TRMT1: variants seen among roughly 807,000 people sequenced by gnomAD.
TRMT1 encodes tRNA methyltransferase 1.
In TRMT1, 63 loss-of-function variants were observed where a neutral mutation model predicts 75.4. The ratio of observed to expected loss-of-function variants is 0.84; its 90% confidence interval spans 0.68 to 1.03. The LOEUF (loss-of-function observed/expected upper bound fraction) is 1.03. Ranked by LOEUF, TRMT1 falls within the 50% of genes least tolerant of loss-of-function variation. The pLI, the probability that TRMT1 is intolerant of heterozygous loss-of-function variation, is 0.00. For missense variants in TRMT1, 870 were observed against 905.3 expected, an observed-to-expected ratio of 0.96 and a Z score of 0.50; for synonymous variants, 382 against 358.1, an observed-to-expected ratio of 1.07 and a Z score of -0.75.
Position 13,115,342 on chromosome 19 carries a change from ATGAGAT to A in TRMT1, c.572_577del (p.Asp191_Ile193delinsVal). The A allele has an allele frequency of 6.2e-7, 1 of 1,614,082 alleles. No individual in the cohort carries two copies. The highest frequency in any genetic ancestry group is 8.5e-7 in the Non-Finnish European group (1 of 1,180,026). ...GTCATTGAGCTGGACATTCCGGCGT[ATGAGAT>A]CCACAGCCCGGGTGGAGGCATCGTT... On this transcript the variant is annotated inframe_deletion, in exon 5 of 17. Coordinates refer to ENST00000357720, the MANE Select transcript of TRMT1 (RefSeq NM_001136035.4).
In TRMT1 at chr19:13,107,842, G is replaced by A. The variant is rs1478167355; in HGVS notation, c.1415C>T (p.Ala472Val). The A allele has an allele frequency of 1.3e-6, 2 of 1,551,690 alleles. No homozygotes were observed. Among genetic ancestry groups the A allele is most frequent in the Non-Finnish European group, 1.7e-6 (2 of 1,146,960 alleles). ...LLQLRSALLH[A>V]DFRVSLSHAC... is the part of the protein sequence containing the mutation. ...GTGGGAGAGTGAGACCCGGAAGTCA[G>A]CGTGGAGGAGGGCCGACCTGGGGAA... Residue 472 changes from alanine (A) to valine (V), a missense_variant, in exon 13 of 17, where the codon GCT (alanine) becomes GTT (valine). By Grantham distance (64) the Ala-to-Val change is moderately conservative. Coordinates refer to ENST00000357720, the MANE Select transcript of TRMT1 (RefSeq NM_001136035.4).
At chr19:13,106,641 AAT>A (rs1491290104) in intron 14 of TRMT1, among the ~76,000 whole-genome samples, 70 of 144,306 alleles carry the variant, frequency 4.9e-4, no homozygotes, top group African/African-American at 1.8e-3. Context: ...ACACCTGGCT[AAT>A]TTTTTTTTTT....
rs1599922517 is a variant in TRMT1, at chr19:13,105,967, C to G, written c.1584-361G>C. Among the ~76,000 whole-genome samples, 3 of 152,218 alleles carry G rather than the reference C, an allele frequency of 2.0e-5. No homozygotes were observed. The South Asian group carries it at 6.2e-4, about 32-fold the overall frequency. ...ATACCAGCTACTCGGGACGCTGAGG[C>G]AGGAGAATCGCTTGAACCTGGGAGG... On this transcript the variant is annotated intron_variant, in intron 14 of 16. Coordinates refer to ENST00000357720, the MANE Select transcript of TRMT1 (RefSeq NM_001136035.4).
intron 14 of TRMT1, 55 bp downstream of exon 14, chr19:13,107,519 T>C: frequency 6.5e-7 from 1 of 1,544,414 alleles, no homozygotes. Context: ...TGCACACACA[T>C]GTGCTTCCAT....
chr19:13,109,887 C>G (rs181871380), intron 9 of TRMT1, 28 bp downstream of exon 9: 3 of 1,613,944 alleles, frequency 1.9e-6, no homozygotes, highest in Non-Finnish European at 2.5e-6. Flanking sequence ...CCCTGGGACT[C>G]CCCTTCTTCT....
At chr19:13,106,748 A>C (rs1490126761) in intron 14 of TRMT1, among the ~76,000 whole-genome samples, 2 of 151,596 alleles carry the variant, frequency 1.3e-5, no homozygotes, top group African/African-American at 4.9e-5. Flanking sequence ...TGGCCTCCCA[A>C]AGTGCTGGGA....
rs376828486 is a variant in TRMT1 at position 13,104,952 on chromosome 19, C to A, written c.1963G>T (p.Gly655Trp). Residue 655 changes from glycine to tryptophan, a missense_variant, in exon 17 of 17, where the codon GGG (glycine) becomes TGG (tryptophan). Coordinates refer to ENST00000357720, the MANE Select transcript of TRMT1 (RefSeq NM_001136035.4). ...QTPPGPGAAA[G>W]PGID The stretch of plus-strand genomic sequence containing the variant: ...TTATTGGTTCAGTCTATGCCTGGCC[C>A]AGCGGCAGCCCCAGGTCCAGGGGGG... 8.7e-6 allele frequency: 14 copies of A among 1,613,942 alleles called. No homozygotes were observed. The African/African-American group carries it at 1.3e-4, about 15-fold the overall frequency.
rs1392503709 is a variant in TRMT1 at position 13,116,726 on chromosome 19, G to A, written c.-106C>T. 5.7e-6 allele frequency: 2 copies of A among 350,464 alleles called. No homozygotes were observed. Among genetic ancestry groups the A allele is most frequent in the Non-Finnish European group, 1.1e-5 (2 of 188,678 alleles). 21.7% of individuals were successfully genotyped at this position (350,464 alleles called of 1,614,324 possible). ...CGAATTAGGACCTGGGCGCCGCCAT[G>A]TTGGCACAGTGGGTGGGCGAATCAC... On this transcript the variant is annotated 5_prime_UTR_variant, in exon 1 of 17. Coordinates refer to ENST00000357720, the MANE Select transcript of TRMT1 (RefSeq NM_001136035.4).
rs769611083 is a variant in TRMT1, at chr19:13,109,612, C to T, written c.1249G>A (p.Ala417Thr). Residue 417 changes from alanine to threonine, a missense_variant, in exon 11 of 17, where the codon GCT (alanine) becomes ACT (threonine). Physicochemically the swap from Ala to Thr is moderately conservative, Grantham distance 58 (BLOSUM62 0). Coordinates refer to ENST00000357720, the MANE Select transcript of TRMT1 (RefSeq NM_001136035.4). Reference sequence around the variant, plus strand: ...GAGGTGTGGAAGCGGCCGGGGTTAGCGCTCACAGCCTCCAGGACACGGCCC... The same window carrying T: ...GAGGTGTGGAAGCGGCCGGGGTTAGTGCTCACAGCCTCCAGGACACGGCCC... ...FVGRVLEAVS[A>T]NPGRFHTSER... 50 of 1,613,792 alleles carry T rather than the reference C, an allele frequency of 3.1e-5. No individual in the cohort carries two copies. The highest frequency in any genetic ancestry group is 8.0e-5 in the African/African-American group (6 of 74,884).
rs139839545 is a variant in TRMT1, at chr19:13,105,316, G to C, written c.1784C>G (p.Ala595Gly). Residue 595 changes from alanine to glycine, a missense_variant, in exon 16 of 17, where the codon GCC becomes GGC. Transcript: ENST00000357720. ...NKRKEPPEDVAQRAARLKTFP... is the reference protein window; with the variant it reads ...NKRKEPPEDVGQRAARLKTFP... ...TGTCTTGAGCCGGGCAGCCCGCTGG[G>C]CCACATCTTCCGGCGGCTCCTTCCG... The C allele has an allele frequency of 5.1e-5, 82 of 1,613,954 alleles. No individual in the cohort carries two copies. The African/African-American group carries it at 1.1e-3, about 21-fold the overall frequency.
intron 12 of TRMT1, among the ~76,000 whole-genome samples, chr19:13,108,447 C>T (rs1010691089): frequency 2.6e-5 from 4 of 151,812 alleles, no homozygotes; most frequent in African/African-American, 7.3e-5. Context: ...TGTGCCATGA[C>T]GCCTGGCTAA....
intron 1 of TRMT1, 34 bp from the exon 2 acceptor site, chr19:13,116,465 G>T (rs929520511): frequency 6.5e-6 from 10 of 1,541,212 alleles, no homozygotes; most frequent in Non-Finnish European, 8.7e-7. Context: ...CACAGAGAGG[G>T]TCAGAGAGCC....
At chr19:13,116,088 C>G (rs756792780) in intron 2 of TRMT1, 36 bp from the exon 3 acceptor site, 1 of 1,613,060 alleles carries the variant, frequency 6.2e-7, no homozygotes, top group Non-Finnish European at 8.5e-7. Context: ...ATACCCCGCC[C>G]CCGCCATCCA....
chr19:13,116,287 T>C lies in TRMT1; in HGVS notation c.113A>G (p.Glu38Gly), dbSNP rs757831433. Residue 38 changes from glutamate to glycine, a missense_variant, in exon 2 of 17, where the codon GAG (glutamate) becomes GGG (glycine). Coordinates refer to ENST00000357720, the MANE Select transcript of TRMT1 (RefSeq NM_001136035.4). Reference protein sequence around the residue: ...SPGLPNTAAMENGTGPYGEER... With the variant: ...SPGLPNTAAMGNGTGPYGEER... ...TTCTCCGTAGGGCCCGGTGCCGTTC[T>C]CCATCGCTGCTGTATTCGGCAGCCC... 10 of 1,614,118 alleles carry C rather than the reference T, an allele frequency of 6.2e-6. No homozygotes were observed. Among genetic ancestry groups the C allele is most frequent in the Non-Finnish European group, 8.5e-6 (10 of 1,180,038 alleles).
intron 5 of TRMT1, among the ~76,000 whole-genome samples, chr19:13,113,269 G>A (rs982662384): frequency 6.6e-6 from 1 of 151,802 alleles, no homozygotes; most frequent in African/African-American, 2.4e-5. Context: ...AGCAATTCTC[G>A]CGCCTCAGCC....
In TRMT1 at chr19:13,109,463, G is replaced by A; in HGVS notation, c.1315C>T (p.Leu439Phe). ...GTGTAGTACAGAGGCACGTCCGGGAGCTCCTGCGATGGGGGACAGGATGGG... is the reference window on the plus strand; with the variant it reads ...GTGTAGTACAGAGGCACGTCCGGGAACTCCTGCGATGGGGGACAGGATGGG... ...RGVLSVITEE[L>F]PDVPLYYTLD... The change falls in exon 12 of 17, where the codon CTC (leucine) becomes TTC (phenylalanine). Residue 439 changes from leucine (L) to phenylalanine (F), a missense_variant. Physicochemically the swap from Leu to Phe is conservative, Grantham distance 22. Coordinates refer to ENST00000357720, the MANE Select transcript of TRMT1 (RefSeq NM_001136035.4). 1 of 1,613,992 alleles carries A rather than the reference G, an allele frequency of 6.2e-7. No individual in the cohort carries two copies. The highest frequency in any genetic ancestry group is 8.5e-7 in the Non-Finnish European group (1 of 1,180,008).
At chr19:13,109,032 C>G (rs1275948374) in intron 12 of TRMT1, among the ~76,000 whole-genome samples, 12 of 151,514 alleles carry the variant, frequency 7.9e-5, no homozygotes, top group Non-Finnish European at 2.9e-5. Flanking sequence ...CCTCCCACCT[C>G]AGCCTCCTGA....
intron 5 of TRMT1, among the ~76,000 whole-genome samples, chr19:13,114,048 CT>C (rs2019241986): frequency 6.6e-6 from 1 of 152,176 alleles, no homozygotes; most frequent in Non-Finnish European, 1.5e-5. Context: ...CAGCTAATTA[CT>C]TTTCATTGTC....
intron 7 of TRMT1, among the ~76,000 whole-genome samples, chr19:13,111,801 G>A (rs891067676): frequency 3.3e-5 from 5 of 151,632 alleles, no homozygotes; most frequent in Admixed American, 6.6e-5. Context: ...CTGGGTTCAC[G>A]CCATTCTCCT....
Sources: gnomAD v4.1 joint callset for allele counts (sites outside exome capture counted in the v4.1 genomes callset) on GRCh38, gnomAD v4.1.1 for gene constraint, MANE v1.5 for transcripts, NCBI Gene and HGNC (gene_info 2026-07-23, HGNC 2026-07-21) for gene names.